NOL10: variants seen among roughly 807,000 people sequenced by gnomAD.
NOL10 encodes the protein H_NH0074G24.1.
A neutral mutation model predicts 103.5 loss-of-function variants in NOL10; 58 were observed. That is an observed-to-expected ratio of 0.56 (90% CI 0.45 to 0.70). The LOEUF (loss-of-function observed/expected upper bound fraction) is 0.70. Among genes scored for constraint, NOL10 ranks in the 30% least tolerant of loss-of-function variants. The pLI, the probability that NOL10 is intolerant of heterozygous loss-of-function variation, is 0.00. For missense variants in NOL10, 763 were observed against 807.3 expected (o/e 0.95, Z 0.67); for synonymous variants, 287 against 282.5 (o/e 1.02, Z -0.16).
intron 17 of NOL10, among the ~76,000 whole-genome samples, chr2:10,590,352 C>T (rs1344504882): frequency 1.3e-5 from 2 of 152,184 alleles, no homozygotes; most frequent in Non-Finnish European, 2.9e-5. Flanking sequence ...AGCAATTTCT[C>T]GTGCCTTGGC....
intron 2 of NOL10, among the ~76,000 whole-genome samples, chr2:10,684,241 A>C: frequency 6.8e-6 from 1 of 147,660 alleles, no homozygotes; most frequent in Admixed American, 7.0e-5. Flanking sequence ...ACACCATTGC[A>C]CTCCAGCCTG....
intron 13 of NOL10, among the ~76,000 whole-genome samples, chr2:10,636,705 T>C (rs371324024): frequency 5.1e-4 from 78 of 152,026 alleles, no homozygotes; most frequent in African/African-American, 1.8e-3. Context: ...ACCAGAACAG[T>C]AATGTTTCAA....
intron 13 of NOL10, among the ~76,000 whole-genome samples, chr2:10,642,440 G>A (rs1274059659): frequency 6.6e-6 from 1 of 152,178 alleles, no homozygotes; most frequent in African/African-American, 2.4e-5. Flanking sequence ...CCCTGCGGCA[G>A]CAAAAGTAAT....
At chr2:10,596,478 C>A (rs1479175280) in intron 17 of NOL10, among the ~76,000 whole-genome samples, 1 of 152,142 alleles carries the variant, frequency 6.6e-6, no homozygotes, top group African/African-American at 2.4e-5. Flanking sequence ...GCATTAGATT[C>A]TCATAAGGAG....
chr2:10,593,933 C>T (rs1047229940), intron 17 of NOL10, among the ~76,000 whole-genome samples: 1 of 152,238 alleles, frequency 6.6e-6, no homozygotes, highest in African/African-American at 2.4e-5. Context: ...ATGACATGTG[C>T]AGTGTCCTTC....
chr2:10,608,444 G>T (rs974524823), intron 13 of NOL10, among the ~76,000 whole-genome samples: 4 of 152,140 alleles, frequency 2.6e-5, no homozygotes, highest in East Asian at 1.9e-4. Context: ...ACCCGCTGAG[G>T]TCAATGTATG....
chr2:10,593,263 T>A (rs1675493595), intron 17 of NOL10, among the ~76,000 whole-genome samples: 1 of 151,880 alleles, frequency 6.6e-6, no homozygotes, highest in Non-Finnish European at 1.5e-5. Flanking sequence ...CTCAGCCTCC[T>A]GGAGTAGCTG....
rs1558270511 is a variant in NOL10 at position 10,587,172 on chromosome 2, T to TATATATACAC, written c.1844+1861_1844+1870dup. Among the ~76,000 whole-genome samples the TATATATACAC allele has an allele frequency of 1.2e-3, 27 of 22,610 alleles. 3 individuals are homozygous for TATATATACAC. Among genetic ancestry groups the TATATATACAC allele is most frequent in the Non-Finnish European group, 2.5e-3 (23 of 9,042 alleles). The allele number at this position is 22,610 out of a possible 152,430, so 14.8% of individuals were successfully genotyped here. ...ATACATATATACACATATATACACA[T>TATATATACAC]ATATATACACATATATATACACATA... On this transcript the variant is annotated intron_variant, in intron 19 of 20. Transcript: ENST00000381685.
intron 13 of NOL10, among the ~76,000 whole-genome samples, chr2:10,637,188 C>CAAAAAA (rs61693251): frequency 0.012 from 521 of 44,488 alleles, 7 homozygotes; most frequent in Non-Finnish European, 0.015. Context: ...GACACTGTCT[C>CAAAAAA]AAAAAAAAAA....
chr2:10,611,291 A>T (rs1676554300), intron 13 of NOL10, among the ~76,000 whole-genome samples: 1 of 152,228 alleles, frequency 6.6e-6, no homozygotes, highest in Admixed American at 6.5e-5. Flanking sequence ...CACAACTCAA[A>T]TGCAGCAAAG....
At chr2:10,673,023 T>C (rs1311786833) in intron 5 of NOL10, among the ~76,000 whole-genome samples, 1 of 152,024 alleles carries the variant, frequency 6.6e-6, no homozygotes, top group Non-Finnish European at 1.5e-5. Context: ...GATGGACTAA[T>C]GGCACCAAAA....
At chr2:10,685,051 A>G (rs888156886) in intron 1 of NOL10, among the ~76,000 whole-genome samples, 3 of 152,230 alleles carry the variant, frequency 2.0e-5, no homozygotes, top group African/African-American at 7.2e-5. Flanking sequence ...AAACTAACCC[A>G]TCTAAGCAAT....
intron 19 of NOL10, among the ~76,000 whole-genome samples, chr2:10,580,028 G>C (rs960679276): frequency 1.3e-5 from 2 of 152,174 alleles, no homozygotes; most frequent in Non-Finnish European, 2.9e-5. Flanking sequence ...GACAAGCTGA[G>C]TTTTGGAACA....
At chr2:10,661,532 C>T (rs537367902) in intron 9 of NOL10, among the ~76,000 whole-genome samples, 3 of 152,118 alleles carry the variant, frequency 2.0e-5, no homozygotes, top group Admixed American at 6.5e-5. Flanking sequence ...CCACCATGCC[C>T]GGCTAATTTT....
In NOL10 at chr2:10,587,618, G is replaced by A. The variant is rs113616141; in HGVS notation, c.1844+1425C>T. Among the ~76,000 whole-genome samples the A allele has an allele frequency of 2.6e-3, 395 of 151,808 alleles. 2 individuals carry two copies. Among genetic ancestry groups the A allele is most frequent in the Non-Finnish European group, 4.1e-3 (282 of 67,956 alleles). On this transcript the variant is annotated intron_variant, in intron 19 of 20. Transcript: ENST00000381685. ...CAGGGGGTTGGCACTCCTAGCCCTC[G>A]AGTTGTTCAAGGGTCAACTCTACTA...
chr2:10,605,338 C>A (rs959728715), intron 14 of NOL10, among the ~76,000 whole-genome samples: 2 of 152,170 alleles, frequency 1.3e-5, no homozygotes, highest in Non-Finnish European at 2.9e-5. Context: ...CTTCAATATA[C>A]TAATGCTGCA....
chr2:10,675,937 T>C (rs751606605), intron 3 of NOL10, 66 bp from the exon 4 acceptor site: 13 of 770,330 alleles, frequency 1.7e-5, no homozygotes, highest in Admixed American at 1.1e-4. Context: ...TCCAGATACA[T>C]TGAGTGTACT....
chr2:10,678,172 G>A (rs1013436643), intron 3 of NOL10, among the ~76,000 whole-genome samples: 6 of 151,626 alleles, frequency 4.0e-5, no homozygotes, highest in East Asian at 1.9e-4. Flanking sequence ...CCTCTGCCTC[G>A]TGAGTAGCTG....
chr2:10,584,112 C>T (rs886995255), intron 19 of NOL10, among the ~76,000 whole-genome samples: 1 of 152,172 alleles, frequency 6.6e-6, no homozygotes, highest in Non-Finnish European at 1.5e-5. Flanking sequence ...GCCAGGAATG[C>T]TATCTTTCCC....
Sources: gnomAD v4.1 joint callset for allele counts (sites outside exome capture counted in the v4.1 genomes callset) on GRCh38, gnomAD v4.1.1 for gene constraint, MANE v1.5 for transcripts, NCBI Gene and HGNC (gene_info 2026-07-23, HGNC 2026-07-21) for gene names.